The following LRRFIP1 variants were observed in gnomAD, a reference collection of about 807,000 sequenced individuals.
LRRFIP1 encodes LRR binding FLII interacting protein 1.
A neutral mutation model predicts 104.4 loss-of-function variants in LRRFIP1; 62 were observed. The ratio of observed to expected loss-of-function variants is 0.59; its 90% CI spans 0.48 to 0.73. The LOEUF (loss-of-function observed/expected upper bound fraction) is 0.73. Among genes scored for constraint, LRRFIP1 ranks in the 30% least tolerant of loss-of-function variants. LRRFIP1 has a pLI of 0.00. For synonymous variants in LRRFIP1, 300 were observed against 299.0 expected (o/e 1.00, Z -0.03); for missense variants, 796 against 824.5 (o/e 0.97, Z 0.42).
chr2:237,653,908 A>G (rs1355600459), intron 1 of LRRFIP1, among the ~76,000 whole-genome samples: 1 of 152,264 alleles, frequency 6.6e-6, no homozygotes, highest in Non-Finnish European at 1.5e-5. Flanking sequence ...CTAGTAGGAG[A>G]AAACATAAGG....
At chr2:237,692,582 C>T in intron 1 of LRRFIP1, 11 of 1,448,482 alleles carry the variant, frequency 7.6e-6, no homozygotes, top group Non-Finnish European at 9.2e-6. Context: ...CAGGGGCTTC[C>T]AGCTCGTTCC....
At chr2:237,748,297 C>T in intron 11 of LRRFIP1, 67 bp from the exon 12 acceptor site, 2 of 1,115,258 alleles carry the variant, frequency 1.8e-6, no homozygotes, top group Admixed American at 1.8e-5. Flanking sequence ...TCATTCATAG[C>T]CCCATCTTCA....
intron 23 of LRRFIP1, among the ~76,000 whole-genome samples, chr2:237,778,733 A>G (rs901585543): frequency 6.6e-6 from 1 of 151,998 alleles, no homozygotes; most frequent in African/African-American, 2.4e-5. Context: ...CCTGACCAAC[A>G]TGGTGAAACC....
At chr2:237,757,357 C>T (rs899778672) in intron 16 of LRRFIP1, 99 bp from the exon 17 acceptor site, 12 of 709,674 alleles carry the variant, frequency 1.7e-5, no homozygotes, top group African/African-American at 9.0e-5. Flanking sequence ...AGAGTGCTTG[C>T]GGCCTCACTC....
At position 237,774,388 on chromosome 2, in the gene LRRFIP1, T is replaced by C; in HGVS notation, c.1738T>C (p.Tyr580His). The C allele has an allele frequency of 6.2e-7, 1 of 1,613,778 alleles. No individual in the cohort carries two copies. The highest frequency in any genetic ancestry group is 8.5e-7 in the Non-Finnish European group (1 of 1,179,708). ...VIRLESQVSR[Y>H]KSAAENAEKI... Reference sequence around the variant, plus strand: ...AAGGTTAGAGAGTCAAGTATCACGTTACAAATCAGCGGCTGAAAATGCAGA... The same window carrying C: ...AAGGTTAGAGAGTCAAGTATCACGTCACAAATCAGCGGCTGAAAATGCAGA... Residue 580 changes from tyrosine (Y) to histidine (H), a missense_variant, in exon 23 of 24, where the codon TAC (tyrosine) becomes CAC (histidine). Coordinates refer to ENST00000308482, the MANE Select transcript of LRRFIP1 (RefSeq NM_001137550.2).
intron 1 of LRRFIP1, among the ~76,000 whole-genome samples, chr2:237,682,537 G>A (rs1306949413): frequency 6.6e-6 from 1 of 152,140 alleles, no homozygotes; most frequent in African/African-American, 2.4e-5. Context: ...TCTCCCATCG[G>A]CTTACTCTTG....
chr2:237,660,728 C>T (rs2087754932), intron 1 of LRRFIP1, among the ~76,000 whole-genome samples: 1 of 152,190 alleles, frequency 6.6e-6, no homozygotes, highest in Non-Finnish European at 1.5e-5. Context: ...CAAGGAGTGC[C>T]ACGAGCTCCT....
chr2:237,714,615 GA>G (rs2094249331), intron 3 of LRRFIP1, among the ~76,000 whole-genome samples: 2 of 152,148 alleles, frequency 1.3e-5, no homozygotes, highest in South Asian at 2.1e-4. Context: ...TGTATGGAAA[GA>G]AAAAGATGAT....
Position 237,733,837 on chromosome 2 carries a change from C to A in LRRFIP1, c.489+19C>A, listed in dbSNP as rs530609017. On this transcript the variant is annotated intron_variant, in intron 9 of 23. Coordinates refer to ENST00000308482, the MANE Select transcript of LRRFIP1 (RefSeq NM_001137550.2). ...TTACCGGGTGCGTGTGCTGCCCACC[C>A]TGCTGCCCCGCACCCCCTCCCACTG... 2.5e-6 allele frequency: 4 copies of A among 1,613,730 alleles called. No individual in the cohort carries two copies. The highest frequency in any genetic ancestry group is 3.3e-5 in the Admixed American group (2 of 60,030).
Position 237,757,462 on chromosome 2 carries a change from C to T in LRRFIP1, c.1138C>T (p.Arg380Ter), listed in dbSNP as rs375480717. 44 of 1,586,980 alleles carry T rather than the reference C, an allele frequency of 2.8e-5. No individual in the cohort carries two copies. Among genetic ancestry groups the T allele is most frequent in the Admixed American group, 5.4e-5 (3 of 55,900 alleles). Residue 380 changes from arginine to a stop codon, truncating the protein, a stop_gained, in exon 17 of 24, where the codon CGA becomes TGA. Transcript: ENST00000308482. LOFTEE classifies it high-confidence loss of function. ...KQREEMLEEI[R>*]QLQQKQASSI... ...TGTCTGTTCCTTTCCTCAGGAAATC[C>T]GACAGCTACAGCAGAAACAGGCGAG...
intron 1 of LRRFIP1, among the ~76,000 whole-genome samples, chr2:237,699,885 G>T (rs10460281): frequency 0.49 from 74,842 of 152,040 alleles, 19,302 homozygotes; most frequent in Middle Eastern, 0.73. Flanking sequence ...GCCTGGTAAC[G>T]ATCGTTCTCA....
In LRRFIP1 at chr2:237,708,805, A is replaced by C. The variant is rs1324176455; in HGVS notation, c.183+175A>C. On this transcript the variant is annotated intron_variant, in intron 2 of 23. Transcript: ENST00000308482. ...AGGTCAGGCCAGGAGTGCGCATAGC[A>C]CGGATACCAGGCGTGCCTGCTCAGA... 5 of 758,754 alleles carry C rather than the reference A, an allele frequency of 6.6e-6. No homozygotes were observed. In the East Asian group the frequency reaches 1.4e-4, roughly 21 times the overall value. The allele number at this position is 758,754 out of a possible 1,614,324, so 47.0% of individuals were successfully genotyped here. A position where few individuals can be genotyped will look rare whatever the true frequency, so the allele number is the denominator to read the frequency against.
intron 1 of LRRFIP1, among the ~76,000 whole-genome samples, chr2:237,688,147 C>T (rs2092513258): frequency 6.6e-6 from 1 of 152,222 alleles, no homozygotes; most frequent in Admixed American, 6.5e-5. Context: ...AAAGTTATAT[C>T]ACAGGCCTGG....
intron 7 of LRRFIP1, among the ~76,000 whole-genome samples, chr2:237,725,728 T>C: frequency 6.6e-6 from 1 of 152,198 alleles, no homozygotes; most frequent in East Asian, 1.9e-4. Flanking sequence ...TAACAGTTTT[T>C]CCCAGGTTTT....
rs200107772 is a variant in LRRFIP1, at chr2:237,735,329, G to A, written c.551G>A (p.Arg184His). The part of the protein sequence containing the change: ...GTRRGSTSGS[R>H]APSEYSGHLN... ...CGACGGGGCAGCACCTCCGGCTCCC[G>A]TGCTGTAAGGCGCTTTCGGTGATAC... The change falls in exon 10 of 24, where the codon CGT becomes CAT. Residue 184 changes from arginine to histidine, a missense_variant. Arg to His is a conservative substitution (Grantham distance 29). Transcript: ENST00000308482. The surrounding 1 kb of genome is among the most constrained non-coding windows in gnomAD (Gnocchi z 4.6). The A allele has an allele frequency of 4.9e-4, 790 of 1,613,030 alleles. 4 individuals are homozygous for A. The highest frequency in any genetic ancestry group is 3.4e-3 in the South Asian group (312 of 91,028).
At chr2:237,754,626 G>A (rs936408079) in intron 15 of LRRFIP1, among the ~76,000 whole-genome samples, 1 of 152,184 alleles carries the variant, frequency 6.6e-6, no homozygotes, top group African/African-American at 2.4e-5. Context: ...TTAAAACCAA[G>A]GTACCCTTGA....
intron 1 of LRRFIP1, among the ~76,000 whole-genome samples, chr2:237,688,902 G>A (rs6710238): frequency 0.21 from 31,902 of 151,882 alleles, 3,533 homozygotes; most frequent in South Asian, 0.29. Context: ...GTACTGGGAT[G>A]AACATTTTGT....
At chr2:237,665,173 GA>G (rs1455359333) in intron 1 of LRRFIP1, among the ~76,000 whole-genome samples, 3 of 151,784 alleles carry the variant, frequency 2.0e-5, no homozygotes, top group African/African-American at 7.3e-5. Flanking sequence ...TAAAATCAAT[GA>G]AACTAAAATT....
intron 4 of LRRFIP1, among the ~76,000 whole-genome samples, chr2:237,718,141 G>C (rs758633716): frequency 6.6e-6 from 1 of 152,232 alleles, no homozygotes; most frequent in Non-Finnish European, 1.5e-5. Flanking sequence ...ACCAGGACTC[G>C]GGCTGGGCAT....
Sources: gnomAD v4.1 joint callset for allele counts (sites outside exome capture counted in the v4.1 genomes callset) on GRCh38, gnomAD v4.1.1 for gene constraint, Gnocchi (gnomAD v3.1) non-coding constraint, MANE v1.5 for transcripts, NCBI Gene and HGNC (gene_info 2026-07-23, HGNC 2026-07-21) for gene names.